Variants in CDH9 observed in about 807,000 individuals in gnomAD.
CDH9 encodes cadherin-9.
CDH9 carries 28 observed loss-of-function variants against 70.9 expected under a neutral mutation model. The ratio of observed to expected loss-of-function variants is 0.40; its 90% CI spans 0.29 to 0.54. The LOEUF (loss-of-function observed/expected upper bound fraction) is 0.54, where lower values mean the gene tolerates loss of function less well. CDH9 is among the 20% of genes least tolerant of loss of function. CDH9 has a pLI of 0.59. For synonymous variants in CDH9, 409 were observed against 343.1 expected (o/e 1.19, Z -2.12); for missense variants, 874 against 984.4 (o/e 0.89, Z 1.50).
At chr5:26,907,700 A>G (rs1002349381) in intron 3 of CDH9, among the ~76,000 whole-genome samples, 1 of 152,136 alleles carries the variant, frequency 6.6e-6, no homozygotes, top group African/African-American at 2.4e-5. Flanking sequence ...GAATTTCTAT[A>G]AAGATTCAAA....
chr5:26,925,718 A>T (rs1377423887), intron 2 of CDH9, among the ~76,000 whole-genome samples: 1 of 152,044 alleles, frequency 6.6e-6, no homozygotes, highest in Non-Finnish European at 1.5e-5. Context: ...TTTTAAATTA[A>T]TTTTTGTATA....
intron 2 of CDH9, among the ~76,000 whole-genome samples, chr5:26,975,849 T>C (rs1742295802): frequency 6.6e-6 from 1 of 152,166 alleles, no homozygotes; most frequent in Admixed American, 6.5e-5. Flanking sequence ...AGAGACTGTA[T>C]AGATAGAGCT....
chr5:26,958,460 C>T (rs938600769), intron 2 of CDH9, among the ~76,000 whole-genome samples: 1 of 152,164 alleles, frequency 6.6e-6, no homozygotes, highest in Non-Finnish European at 1.5e-5. Flanking sequence ...GAGATAAAGT[C>T]TGTCATTCCA....
intron 5 of CDH9, among the ~76,000 whole-genome samples, chr5:26,904,416 G>T (rs1267627655): frequency 6.6e-6 from 1 of 151,640 alleles, no homozygotes; most frequent in Non-Finnish European, 1.5e-5. Flanking sequence ...CTATTCAAGA[G>T]ACAATAGAAA....
chr5:27,031,588 C>A (rs1172780683), intron 1 of CDH9, among the ~76,000 whole-genome samples: 1 of 151,846 alleles, frequency 6.6e-6, no homozygotes, highest in Non-Finnish European at 1.5e-5. Flanking sequence ...CTTCAACAGA[C>A]CTAGTTTAGT....
At chr5:26,927,789 T>C (rs113308893) in intron 2 of CDH9, among the ~76,000 whole-genome samples, 14,386 of 151,790 alleles carry the variant, frequency 0.095, 857 homozygotes, top group East Asian at 0.17. Context: ...TTATATCTAA[T>C]AAAGCATGAT....
At chr5:27,005,473 T>A (rs1742847840) in intron 1 of CDH9, among the ~76,000 whole-genome samples, 1 of 151,960 alleles carries the variant, frequency 6.6e-6, no homozygotes, top group South Asian at 2.1e-4. Context: ...TAAGACCCCA[T>A]CTCACAACAG....
At chr5:26,906,161 A>T (rs1740944796) in intron 4 of CDH9, 35 bp from the exon 5 acceptor site, 1 of 1,573,018 alleles carries the variant, frequency 6.4e-7, no homozygotes, top group Non-Finnish European at 8.7e-7. Context: ...TTTGCAATTA[A>T]ATCGCTGAGT....
chr5:27,029,042 AATGTAAGATATAGTAAAGGTTAT>A (rs1245132656), intron 1 of CDH9, among the ~76,000 whole-genome samples: 1 of 152,094 alleles, frequency 6.6e-6, no homozygotes, highest in Non-Finnish European at 1.5e-5. Context: ...AGGAAAGGCC[AATGTAAGATATAGTAAAGGTTAT>A]ATCTCACTCA....
intron 2 of CDH9, among the ~76,000 whole-genome samples, chr5:26,952,684 G>A (rs1425489000): frequency 1.4e-5 from 2 of 145,360 alleles, no homozygotes; most frequent in African/African-American, 5.0e-5. Context: ...ATTGGGTCAT[G>A]AGGGCTTGGT....
intron 9 of CDH9, among the ~76,000 whole-genome samples, chr5:26,887,136 T>C (rs1039721291): frequency 6.6e-6 from 1 of 152,166 alleles, no homozygotes; most frequent in Non-Finnish European, 1.5e-5. Context: ...GCATGATATG[T>C]AACTGTATTT....
intron 1 of CDH9, among the ~76,000 whole-genome samples, chr5:27,030,107 C>A (rs1224868665): frequency 6.6e-6 from 1 of 151,980 alleles, no homozygotes; most frequent in African/African-American, 2.4e-5. Context: ...TGTATACCTG[C>A]AGGACTGCAT....
At chr5:26,957,633 G>A (rs1741968732) in intron 2 of CDH9, among the ~76,000 whole-genome samples, 1 of 152,070 alleles carries the variant, frequency 6.6e-6, no homozygotes, top group African/African-American at 2.4e-5. Flanking sequence ...CTGCACTCCA[G>A]CCTGGGGAAC....
At chr5:27,037,853 C>T (rs371535961) in intron 1 of CDH9, among the ~76,000 whole-genome samples, 2 of 151,866 alleles carry the variant, frequency 1.3e-5, no homozygotes, top group East Asian at 3.9e-4. Flanking sequence ...TGAGTGGGAG[C>T]CACAAATACG....
chr5:27,006,728 G>T (rs1742870946), intron 1 of CDH9, among the ~76,000 whole-genome samples: 1 of 152,120 alleles, frequency 6.6e-6, no homozygotes. Context: ...TACCTTGACA[G>T]AATTAGGGAA....
chr5:26,888,337 G>C (rs1461578930), intron 9 of CDH9, among the ~76,000 whole-genome samples: 1 of 152,062 alleles, frequency 6.6e-6, no homozygotes. Context: ...AAGAGTACCA[G>C]GTGGTAAACA....
At chr5:26,911,349 CCTAT>C (rs1322689945) in intron 3 of CDH9, among the ~76,000 whole-genome samples, 80 of 152,202 alleles carry the variant, frequency 5.3e-4, no homozygotes, top group African/African-American at 1.9e-3. Flanking sequence ...TACCAAACGG[CCTAT>C]CTCTCTGGTG....
intron 2 of CDH9, among the ~76,000 whole-genome samples, chr5:26,953,505 T>A (rs6452370): frequency 6.6e-6 from 1 of 152,078 alleles, no homozygotes. Context: ...GACAACCATG[T>A]GTAATGGCTC....
chr5:27,003,120 GA>G (rs1742800542), intron 1 of CDH9, among the ~76,000 whole-genome samples: 1 of 151,994 alleles, frequency 6.6e-6, no homozygotes, highest in South Asian at 2.1e-4. Flanking sequence ...TTTCAAAGCT[GA>G]AAAACCCAAA....
Sources: allele counts gnomAD v4.1 joint callset (sites outside exome capture counted in the v4.1 genomes callset), GRCh38; gene constraint gnomAD v4.1.1; transcripts MANE v1.5; gene names NCBI Gene and HGNC (gene_info 2026-07-23, HGNC 2026-07-21).